The following ASB17 variants were observed in gnomAD, a reference collection of about 807,000 sequenced individuals.
ASB17 encodes ankyrin repeat and SOCS box containing 17, also known as ankyrin repeat and SOCS box protein 17.
In ASB17, 26 loss-of-function variants were observed where a neutral mutation model predicts 25.7. The ratio of observed to expected loss-of-function variants is 1.01; its 90% confidence interval spans 0.74 to 1.40. The LOEUF is 1.40. ASB17 is among the 40% of genes most tolerant of loss of function. The pLI is 0.00. For synonymous variants in ASB17, 128 were observed against 121.4 expected, an observed-to-expected ratio of 1.05 and a Z score of -0.36; for missense variants, 326 against 338.5, an observed-to-expected ratio of 0.96 and a Z score of 0.29.
chr1:75,929,496 G>C (rs1177550498), intron 1 of ASB17, among the ~76,000 whole-genome samples: 1 of 152,098 alleles, frequency 6.6e-6, no homozygotes, highest in African/African-American at 2.4e-5. Flanking sequence ...TGGGATTACA[G>C]GCGTGAGCCA....
chr1:75,921,514 C>G (rs1178402216), intron 2 of ASB17, among the ~76,000 whole-genome samples: 1 of 152,122 alleles, frequency 6.6e-6, no homozygotes, highest in Non-Finnish European at 1.5e-5. Flanking sequence ...TGACAGGGTA[C>G]CCTGTATGCT....
chr1:75,926,906 C>G (rs1653188260), intron 1 of ASB17, among the ~76,000 whole-genome samples: 1 of 147,072 alleles, frequency 6.8e-6, no homozygotes, highest in East Asian at 2.0e-4. Context: ...GCTTGTATGA[C>G]CATTTTGGTG....
At position 75,932,185 on chromosome 1, in the gene ASB17, C is replaced by T; in HGVS notation, c.107G>A (p.Gly36Asp). ...IVKRPSLQFL[G>D]QWGYHCYEPR... ...TTCGTAACAGTGATATCCCCACTGA[C>T]CCAAAAACTGTAGGGAGGGTCTTTT... is the stretch of plus-strand genomic sequence containing the variant. The change falls in exon 1 of 3, where the codon GGT becomes GAT. Residue 36 changes from glycine (G) to aspartate (D), a missense_variant. Transcript: ENST00000284142. 2.5e-6 allele frequency: 4 copies of T among 1,614,036 alleles called. No individual in the cohort carries two copies. The highest frequency in any genetic ancestry group is 3.4e-6 in the Non-Finnish European group (4 of 1,179,976).
At chr1:75,929,466 G>A (rs918141124) in intron 1 of ASB17, among the ~76,000 whole-genome samples, 2 of 151,912 alleles carry the variant, frequency 1.3e-5, no homozygotes, top group South Asian at 2.1e-4. Flanking sequence ...TGATCCGCCC[G>A]CCTCAGCCTC....
intron 1 of ASB17, among the ~76,000 whole-genome samples, chr1:75,925,792 C>A (rs1312617071): frequency 1.3e-5 from 2 of 151,934 alleles, no homozygotes; most frequent in Non-Finnish European, 2.9e-5. Context: ...TTTTTCCCTT[C>A]TCATTCTCCT....
chr1:75,920,870 G>A (rs555467087), intron 2 of ASB17, among the ~76,000 whole-genome samples: 1 of 152,226 alleles, frequency 6.6e-6, no homozygotes, highest in Non-Finnish European at 1.5e-5. Context: ...CGCCTCCTGG[G>A]TTCATGCCAT....
At chr1:75,930,818 T>C (rs1416023638) in intron 1 of ASB17, among the ~76,000 whole-genome samples, 1 of 152,196 alleles carries the variant, frequency 6.6e-6, no homozygotes, top group African/African-American at 2.4e-5. Context: ...TCCAGGGCTG[T>C]AGACAGGCAC....
chr1:75,919,255 A>G (rs1209234122), intron 2 of ASB17, 97 bp from the exon 3 acceptor site: 8 of 869,746 alleles, frequency 9.2e-6, no homozygotes, highest in Non-Finnish European at 1.3e-5. Context: ...TAGAAAATAG[A>G]CCATAAATTT....
chr1:75,922,785 T>C (rs1653067702), intron 1 of ASB17, among the ~76,000 whole-genome samples: 1 of 152,170 alleles, frequency 6.6e-6, no homozygotes, highest in African/African-American at 2.4e-5. Flanking sequence ...CGTGAGCCAC[T>C]GCACCCAGCC....
intron 1 of ASB17, among the ~76,000 whole-genome samples, chr1:75,931,058 A>T (rs1653308945): frequency 6.6e-6 from 1 of 152,230 alleles, no homozygotes; most frequent in Non-Finnish European, 1.5e-5. Flanking sequence ...CTTTAGGCAG[A>T]ATCTAAATTG....
At chr1:75,928,804 G>A (rs752378995) in intron 1 of ASB17, among the ~76,000 whole-genome samples, 8 of 152,152 alleles carry the variant, frequency 5.3e-5, no homozygotes, top group East Asian at 1.9e-4. Flanking sequence ...CAGTTGCTAC[G>A]TATCTGACAT....
chr1:75,928,048 A>C (rs535367373), intron 1 of ASB17, among the ~76,000 whole-genome samples: 1 of 152,316 alleles, frequency 6.6e-6, no homozygotes, highest in African/African-American at 2.4e-5. Flanking sequence ...ACATGTCTTC[A>C]AGGGAAAGAA....
At chr1:75,930,822 C>T (rs575892191) in intron 1 of ASB17, among the ~76,000 whole-genome samples, 1 of 152,256 alleles carries the variant, frequency 6.6e-6, no homozygotes, top group East Asian at 1.9e-4. Context: ...GGGCTGTAGA[C>T]AGGCACTATT....
intron 1 of ASB17, among the ~76,000 whole-genome samples, chr1:75,922,791 C>T (rs1297139556): frequency 1.3e-5 from 2 of 152,122 alleles, no homozygotes; most frequent in Non-Finnish European, 2.9e-5. Flanking sequence ...CCACTGCACC[C>T]AGCCTATATA....
At chr1:75,924,146 A>G (rs1658745) in intron 1 of ASB17, among the ~76,000 whole-genome samples, 146,054 of 152,192 alleles carry the variant, frequency 0.96, 70,371 homozygotes, top group East Asian at 1. Flanking sequence ...AAAAAGATTC[A>G]AAAGAATGTT....
chr1:75,922,142 C>T lies in ASB17; in HGVS notation c.619G>A (p.Ala207Thr). The T allele has an allele frequency of 6.2e-7, 1 of 1,613,872 alleles. No individual in the cohort carries two copies. The highest frequency in any genetic ancestry group is 8.5e-7 in the Non-Finnish European group (1 of 1,179,878). ...DRELADIHED[A>T]KTCLVLCSRV... is the part of the protein sequence containing the mutation. ...GAACATAGTACCAAACATGTTTTGG[C>T]ATCTTCATGGATGTCAGCCAATTCA... Residue 207 changes from alanine (A) to threonine (T), a missense_variant, in exon 2 of 3, where the codon GCC (alanine) becomes ACC (threonine). Transcript: ENST00000284142.
At chr1:75,926,722 G>T (rs1203985096) in intron 1 of ASB17, among the ~76,000 whole-genome samples, 1 of 152,162 alleles carries the variant, frequency 6.6e-6, no homozygotes, top group Non-Finnish European at 1.5e-5. Context: ...TACATTATTT[G>T]CAGGTAGAAC....
At chr1:75,925,131 T>A (rs1653136264) in intron 1 of ASB17, among the ~76,000 whole-genome samples, 1 of 152,138 alleles carries the variant, frequency 6.6e-6, no homozygotes, top group Admixed American at 6.5e-5. Context: ...CTCAAATATT[T>A]GTTAATTGAA....
intron 1 of ASB17, among the ~76,000 whole-genome samples, chr1:75,928,932 T>C (rs567527706): frequency 1.3e-5 from 2 of 152,300 alleles, no homozygotes; most frequent in South Asian, 4.1e-4. Flanking sequence ...ACTACTGTAA[T>C]GACTGAGTGG....
Sources: allele counts gnomAD v4.1 joint callset (sites outside exome capture counted in the v4.1 genomes callset), GRCh38; gene constraint gnomAD v4.1.1; transcripts MANE v1.5; gene names NCBI Gene and HGNC (gene_info 2026-07-23, HGNC 2026-07-21).